Variants in MKRN2 observed in about 807,000 individuals in gnomAD.
The protein encoded by MKRN2 is E3 ubiquitin-protein ligase makorin-2.
A neutral mutation model predicts 45.4 loss-of-function variants in MKRN2; 32 were observed. That is an observed-to-expected ratio of 0.70 (90% confidence interval 0.53 to 0.95). The LOEUF (loss-of-function observed/expected upper bound fraction) is 0.95, where lower values mean the gene tolerates loss of function less well. Ranked by LOEUF, MKRN2 falls within the 40% of genes least tolerant of loss-of-function variation. The pLI is 0.00. For missense variants in MKRN2, 526 were observed against 536.7 expected (o/e 0.98, Z 0.20); for synonymous variants, 206 against 192.4 (o/e 1.07, Z -0.59).
chr3:12,574,676 G>A (rs567513179), intron 4 of MKRN2, 116 bp from the exon 5 acceptor site: 5 of 955,440 alleles, frequency 5.2e-6, no homozygotes, highest in East Asian at 2.4e-5. Context: ...CACAGCAGTC[G>A]CTGTCAGTGT....
intron 6 of MKRN2, among the ~76,000 whole-genome samples, chr3:12,581,418 G>A (rs924251362): frequency 5.9e-5 from 9 of 152,170 alleles, no homozygotes; most frequent in African/African-American, 1.9e-4. Context: ...GGAACTTTGA[G>A]CAGAGACAAG....
chr3:12,558,888 C>G (rs1302502210), intron 1 of MKRN2, among the ~76,000 whole-genome samples: 1 of 152,124 alleles, frequency 6.6e-6, no homozygotes, highest in South Asian at 2.1e-4. Flanking sequence ...GTGTATAATC[C>G]AGCAACCAGC....
chr3:12,570,166 C>T lies in MKRN2; in HGVS notation c.251C>T (p.Pro84Leu), dbSNP rs2058089915. 1 of 1,614,212 alleles carries T rather than the reference C, an allele frequency of 6.2e-7. No homozygotes were observed. ...CCAGCTTTCCACAGTCCTCACCCTCCTTCCGAGGTCACTGCATCCATTGTG... is the reference window on the plus strand; with the variant it reads ...CCAGCTTTCCACAGTCCTCACCCTCTTTCCGAGGTCACTGCATCCATTGTG... ...PSPAFHSPHP[P>L]SEVTASIVKT... Residue 84 changes from proline (P) to leucine (L), a missense_variant, in exon 3 of 8, where the codon CCT becomes CTT. Transcript: ENST00000170447.
Position 12,583,019 on chromosome 3 carries a change from C to T in MKRN2, c.*766C>T, listed in dbSNP as rs1240153424. 6.6e-6 allele frequency: 1 copy of T among 152,282 alleles called. No individual in the cohort carries two copies. The highest frequency in any genetic ancestry group is 1.5e-5 in the Non-Finnish European group (1 of 68,092). 9.4% of individuals were successfully genotyped at this position (152,282 alleles called of 1,614,324 possible). A position where few individuals can be genotyped will look rare whatever the true frequency, so the allele number is the denominator to read the frequency against. On this transcript the variant is annotated 3_prime_UTR_variant, in exon 8 of 8. Coordinates refer to ENST00000170447, the MANE Select transcript of MKRN2 (RefSeq NM_014160.5). ...GCCAGGGCCCTCTAGGGGAACCAAG[C>T]CTCTGCTCTCACCTGTGGGTTCTTG...
intron 1 of MKRN2, among the ~76,000 whole-genome samples, chr3:12,564,212 C>G (rs1426015884): frequency 6.6e-6 from 1 of 152,194 alleles, no homozygotes; most frequent in Non-Finnish European, 1.5e-5. Flanking sequence ...TCCCACAGTT[C>G]TGGGATTACA....
rs539059182 is a variant in MKRN2 at position 12,577,697 on chromosome 3, C to T, written c.968+956C>T. On this transcript the variant is annotated intron_variant, in intron 6 of 7. Coordinates refer to ENST00000170447, the MANE Select transcript of MKRN2 (RefSeq NM_014160.5). ...AGTGATGATTTTTTTTTTTTTGAGA[C>T]GGAGTTTCACTCTTGTTGCCCAGGC... Among the ~76,000 whole-genome samples, 21 of 149,734 alleles carry T rather than the reference C, an allele frequency of 1.4e-4. No individual in the cohort carries two copies. In the South Asian group the frequency reaches 3.8e-3, roughly 27 times the overall value.
chr3:12,570,739 C>T (rs948393628), intron 3 of MKRN2, among the ~76,000 whole-genome samples: 1 of 151,660 alleles, frequency 6.6e-6, no homozygotes, highest in African/African-American at 2.4e-5. Context: ...AAAAATTAGC[C>T]GGGTGTAGTG....
chr3:12,574,555 C>T (rs147356967), intron 4 of MKRN2, among the ~76,000 whole-genome samples: 78 of 152,302 alleles, frequency 5.1e-4, no homozygotes, highest in Non-Finnish European at 9.1e-4. Flanking sequence ...TGGGTGGTGA[C>T]CATGTCACCT....
intron 5 of MKRN2, among the ~76,000 whole-genome samples, chr3:12,576,168 T>C (rs2058134547): frequency 6.6e-6 from 1 of 151,484 alleles, no homozygotes; most frequent in Non-Finnish European, 1.5e-5. Flanking sequence ...TCATCTGTCT[T>C]TTTTGTTGAG....
intron 1 of MKRN2, among the ~76,000 whole-genome samples, chr3:12,563,717 T>C: frequency 2.4e-5 from 1 of 42,188 alleles, no homozygotes; most frequent in African/African-American, 1.1e-4. Flanking sequence ...CTTGAACTCC[T>C]GACCTCATGA....
intron 6 of MKRN2, among the ~76,000 whole-genome samples, chr3:12,578,560 A>G (rs1005582921): frequency 4.0e-5 from 6 of 151,608 alleles, no homozygotes; most frequent in African/African-American, 1.4e-4. Context: ...CAGGCAATCC[A>G]CCTGCCTCGG....
intron 5 of MKRN2, among the ~76,000 whole-genome samples, chr3:12,575,758 T>C (rs1343272508): frequency 4.6e-5 from 7 of 152,226 alleles, no homozygotes; most frequent in African/African-American, 1.2e-4. Flanking sequence ...ACACTTCTTA[T>C]AAATGGAATC....
At chr3:12,572,732 C>T (rs1340115939) in intron 4 of MKRN2, among the ~76,000 whole-genome samples, 1 of 151,732 alleles carries the variant, frequency 6.6e-6, no homozygotes, top group Non-Finnish European at 1.5e-5. Context: ...TTACAGGCGC[C>T]CACCACCACA....
chr3:12,580,961 C>T (rs1219916813), intron 6 of MKRN2, among the ~76,000 whole-genome samples: 2 of 152,166 alleles, frequency 1.3e-5, no homozygotes, highest in Non-Finnish European at 1.5e-5. Flanking sequence ...GTGACTTTCC[C>T]CTTCCTCTGT....
At chr3:12,564,475 G>T (rs2058058932) in intron 1 of MKRN2, among the ~76,000 whole-genome samples, 1 of 151,926 alleles carries the variant, frequency 6.6e-6, no homozygotes, top group South Asian at 2.1e-4. Context: ...AAAATATCTG[G>T]TTTCAAAAAT....
At chr3:12,569,163 C>T (rs2058084689) in intron 2 of MKRN2, among the ~76,000 whole-genome samples, 160 bp downstream of exon 2, 1 of 151,716 alleles carries the variant, frequency 6.6e-6, no homozygotes, top group African/African-American at 2.4e-5. Flanking sequence ...AACTAATTTT[C>T]TTTTCTTTTT....
rs143667351 is a variant in MKRN2 at position 12,581,893 on chromosome 3, G to T, written c.1054G>T (p.Gly352Trp). 2.5e-6 allele frequency: 4 copies of T among 1,614,058 alleles called. No homozygotes were observed. The African/African-American group carries it at 4.0e-5, about 16-fold the overall frequency. Residue 352 changes from glycine to tryptophan, a missense_variant, in exon 7 of 8, where the codon GGG becomes TGG. By Grantham distance (184) the Gly-to-Trp change is radical. Coordinates refer to ENST00000170447, the MANE Select transcript of MKRN2 (RefSeq NM_014160.5). ...TCTTTATCGCCATGCTTACCCCGAT[G>T]GGCGGCTAGCAGAGCCTGAGAAACC... The part of the protein sequence containing the change: ...KCLYRHAYPD[G>W]RLAEPEKPRK...
intron 1 of MKRN2, among the ~76,000 whole-genome samples, chr3:12,558,724 C>T (rs1190619597): frequency 6.6e-6 from 1 of 152,140 alleles, no homozygotes; most frequent in East Asian, 1.9e-4. Flanking sequence ...GACTTGAAAG[C>T]TTTAATTCTG....
At chr3:12,578,148 C>T (rs2058153935) in intron 6 of MKRN2, among the ~76,000 whole-genome samples, 1 of 152,142 alleles carries the variant, frequency 6.6e-6, no homozygotes, top group South Asian at 2.1e-4. Flanking sequence ...CACTTTTTCA[C>T]AGGCCCCTTA....
Sources: allele counts gnomAD v4.1 joint callset (sites outside exome capture counted in the v4.1 genomes callset), GRCh38; gene constraint gnomAD v4.1.1; transcripts MANE v1.5; gene names NCBI Gene and HGNC (gene_info 2026-07-23, HGNC 2026-07-21).